Variants in TRMT11 observed in about 807,000 individuals in gnomAD.
TRMT11 encodes tRNA (guanine(10)-N(2))-methyltransferase TRMT11.
In TRMT11, 53 loss-of-function variants were observed where a neutral mutation model predicts 62.8. The observed-to-expected ratio is 0.84, with a 90% CI of 0.68 to 1.06. TRMT11 has a LOEUF of 1.06. TRMT11 is among the 50% of genes least tolerant of loss of function. TRMT11 has a pLI of 0.00. For missense variants in TRMT11, 556 were observed against 553.4 expected (o/e 1.00, Z -0.05); for synonymous variants, 188 against 190.3 (o/e 0.99, Z 0.10).
chr6:126,094,761 G>A (rs1014568245), intron 17 of TRMT11, among the ~76,000 whole-genome samples: 15 of 152,120 alleles, frequency 9.9e-5, no homozygotes, highest in Non-Finnish European at 2.1e-4. Flanking sequence ...GACAAACACT[G>A]CAGGTCATAT....
downstream of TRMT11, among the ~76,000 whole-genome samples, chr6:126,040,148 A>G (rs1775832055): frequency 6.6e-6 from 1 of 152,104 alleles, no homozygotes; most frequent in South Asian, 2.1e-4. Context: ...CACTGACTCA[A>G]TTTGGAATAT....
chr6:125,993,754 C>T lies in TRMT11; in HGVS notation c.73-3C>T, dbSNP rs753728954. The T allele has an allele frequency of 3.1e-6, 5 of 1,592,902 alleles. No individual in the cohort carries two copies. Among genetic ancestry groups the T allele is most frequent in the Admixed American group, 1.7e-5 (1 of 59,604 alleles). On this transcript the variant is annotated splice_polypyrimidine_tract_variant and splice_region_variant and intron_variant, in intron 1 of 12. Transcript: ENST00000334379. The stretch of plus-strand genomic sequence containing the variant: ...TATTTTCTCTGTAATATTTTCAATA[C>T]AGGAAATAAAGTCTTTGCTTTTGCT...
chr6:125,999,499 A>C lies in TRMT11; in HGVS notation c.565A>C (p.Lys189Gln). The C allele has an allele frequency of 1.2e-6, 2 of 1,611,062 alleles. No individual in the cohort carries two copies. Among genetic ancestry groups the C allele is most frequent in the Non-Finnish European group, 1.7e-6 (2 of 1,178,588 alleles). Residue 189 changes from lysine (K) to glutamine (Q), a missense_variant, in exon 7 of 13, where the codon AAA becomes CAA. Lys to Gln is a moderately conservative substitution (Grantham distance 53). Transcript: ENST00000334379. ...QRELIESYSV[K>Q]KRHFIGNTSM... ...AGAGCTTATTGAGTCATACAGTGTCAAAAAGAGACACTTTATTGGAAATAC... is the reference window on the plus strand; with the variant it reads ...AGAGCTTATTGAGTCATACAGTGTCCAAAAGAGACACTTTATTGGAAATAC...
At chr6:126,261,728 A>G in the TRMT11 span, among the ~76,000 whole-genome samples, 12 of 152,196 alleles carry the variant, frequency 7.9e-5, no homozygotes, top group Admixed American at 3.9e-4. Context: ...TGATTGCCTT[A>G]CTGGTCTAGG....
At chr6:126,000,381 C>A (rs1792272364) in intron 7 of TRMT11, among the ~76,000 whole-genome samples, 1 of 152,088 alleles carries the variant, frequency 6.6e-6, no homozygotes, top group Non-Finnish European at 1.5e-5. Context: ...AGTGATGATG[C>A]AGAGCTAACG....
chr6:126,220,737 CT>C, the TRMT11 span, among the ~76,000 whole-genome samples: 1 of 151,470 alleles, frequency 6.6e-6, no homozygotes, highest in Non-Finnish European at 1.5e-5. Flanking sequence ...TAAATTTTTC[CT>C]TTCAAATCTG....
chr6:126,219,172 G>A, the TRMT11 span, among the ~76,000 whole-genome samples: 1 of 152,094 alleles, frequency 6.6e-6, no homozygotes, highest in Non-Finnish European at 1.5e-5. Context: ...TCCTGTGATG[G>A]CTCCCCTGAT....
Position 125,998,240 on chromosome 6 carries a change from G to A in TRMT11, c.312G>A (p.Ser104=), listed in dbSNP as rs756285582. ...PVEKMVPFLH[S]DSTYKIKIHT... ...TATTTTAGGTTCCATTTCTACATTC[G>A]GACTCTACATATAAAATAAAGATTC... Residue 104 remains serine (S), a synonymous_variant, in exon 5 of 13, where the codon TCG becomes TCA. Transcript: ENST00000334379. 13 of 1,599,716 alleles carry A rather than the reference G, an allele frequency of 8.1e-6. No homozygotes were observed. Among genetic ancestry groups the A allele is most frequent in the African/African-American group, 4.0e-5 (3 of 74,356 alleles).
rs570997347 is a variant in TRMT11 at position 126,069,915 on chromosome 6, TTTAAAATCA to T, written c.*1437+16726_*1437+16734del. ...TGAGAATCTGTCAGCAGAAATGTCC[TTTAAAATCA>T]CCCTTACTTTTGAAGAGTCACATAG... On this transcript the variant is annotated intron_variant and NMD_transcript_variant, in intron 17 of 22. Transcript: ENST00000648977. 1.5e-4 allele frequency among the ~76,000 whole-genome samples: 23 copies of T among 152,144 alleles called. No homozygotes were observed. In the East Asian group the frequency reaches 4.2e-3, roughly 28 times the overall value.
chr6:126,120,667 G>C (rs1777639651), intron 21 of TRMT11, among the ~76,000 whole-genome samples: 1 of 152,082 alleles, frequency 6.6e-6, no homozygotes, highest in African/African-American at 2.4e-5. Context: ...GTTTGATTCT[G>C]GATAGTATTG....
intron 21 of TRMT11, among the ~76,000 whole-genome samples, chr6:126,153,101 C>T (rs965802141): frequency 6.6e-6 from 1 of 152,150 alleles, no homozygotes; most frequent in African/African-American, 2.4e-5. Flanking sequence ...ATTAGAAGCA[C>T]TGAAAATCTA....
chr6:126,214,416 T>C, the TRMT11 span, among the ~76,000 whole-genome samples: 1 of 152,008 alleles, frequency 6.6e-6, no homozygotes, highest in East Asian at 1.9e-4. Context: ...TCTTGTTGCT[T>C]GTTATTAATC....
intron 21 of TRMT11, among the ~76,000 whole-genome samples, chr6:126,155,782 G>A (rs899282927): frequency 1.3e-5 from 2 of 152,124 alleles, no homozygotes; most frequent in African/African-American, 2.4e-5. Context: ...GTGCAGTGGC[G>A]CAGTCTCAGC....
chr6:126,160,892 A>G (rs954397045), intron 21 of TRMT11, among the ~76,000 whole-genome samples: 1 of 152,112 alleles, frequency 6.6e-6, no homozygotes, highest in Admixed American at 6.6e-5. Context: ...GAAAACTCCT[A>G]TTTAGACAAT....
intron 3 of TRMT11, among the ~76,000 whole-genome samples, chr6:126,201,105 T>C (rs990245101): frequency 1.6e-4 from 24 of 152,210 alleles, no homozygotes; most frequent in African/African-American, 5.8e-4. Flanking sequence ...AATCTTGGCA[T>C]CTTTAACAAA....
At chr6:126,224,671 G>A in the TRMT11 span, among the ~76,000 whole-genome samples, 2 of 152,204 alleles carry the variant, frequency 1.3e-5, no homozygotes, top group Non-Finnish European at 2.9e-5. Context: ...ACATGTGCGT[G>A]CCCTGGTGGC....
chr6:126,090,823 G>A (rs1211581790), intron 17 of TRMT11, among the ~76,000 whole-genome samples: 1 of 152,186 alleles, frequency 6.6e-6, no homozygotes, highest in Non-Finnish European at 1.5e-5. Context: ...ATGGGAAACA[G>A]TATCTGAATC....
intron 12 of TRMT11, among the ~76,000 whole-genome samples, chr6:126,033,383 G>A (rs1167955687): frequency 6.6e-6 from 1 of 152,058 alleles, no homozygotes; most frequent in Non-Finnish European, 1.5e-5. Flanking sequence ...TTTATTATAA[G>A]TGGCTGAAAT....
chr6:126,239,777 C>A, the TRMT11 span, among the ~76,000 whole-genome samples: 2 of 152,328 alleles, frequency 1.3e-5, no homozygotes, highest in Non-Finnish European at 2.9e-5. Context: ...TGGGGAAGTT[C>A]TCCTGGATAG....
Sources: allele counts gnomAD v4.1 joint callset (sites outside exome capture counted in the v4.1 genomes callset), GRCh38; gene constraint gnomAD v4.1.1; transcripts MANE v1.5; gene names NCBI Gene and HGNC (gene_info 2026-07-23, HGNC 2026-07-21).